Variants in MSI2 observed in about 807,000 individuals in gnomAD.
MSI2 encodes the protein musashi RNA binding protein 2.
Under a neutral mutation model 45.6 loss-of-function variants are expected in MSI2, and 17 were observed. The observed-to-expected ratio is 0.37, with a 90% CI of 0.26 to 0.56. MSI2 has a LOEUF of 0.56. Ranked by LOEUF, MSI2 falls within the 20% of genes least tolerant of loss-of-function variation. MSI2 has a pLI of 0.77. For missense variants in MSI2, 293 were observed against 444.2 expected (o/e 0.66, Z 3.06); for synonymous variants, 156 against 158.2 (o/e 0.99, Z 0.11).
At chr17:57,562,283 C>G (rs909822193) in intron 7 of MSI2, among the ~76,000 whole-genome samples, 2 of 152,182 alleles carry the variant, frequency 1.3e-5, no homozygotes, top group African/African-American at 4.8e-5. Flanking sequence ...TGGATCCTGG[C>G]CAAGAAGCTT....
In MSI2 at chr17:57,305,943, A is replaced by G. The variant is rs533293752; in HGVS notation, c.312+43751A>G. 6.6e-5 allele frequency among the ~76,000 whole-genome samples: 10 copies of G among 152,328 alleles called. No individual in the cohort carries two copies. The South Asian group carries it at 1.2e-3, about 19-fold the overall frequency. ...GAGGGTGTAATGCCCATACTTTATT[A>G]AGGTCTAACTGTATTAAGGTCTGGA... On this transcript the variant is annotated intron_variant, in intron 5 of 13. Transcript: ENST00000284073.
At chr17:57,333,476 C>T (rs1338967809) in intron 5 of MSI2, among the ~76,000 whole-genome samples, 2 of 150,316 alleles carry the variant, frequency 1.3e-5, no homozygotes, top group Non-Finnish European at 3.0e-5. Context: ...CTCACTCCAT[C>T]GCCCAGGCTG....
intron 6 of MSI2, among the ~76,000 whole-genome samples, chr17:57,437,818 A>T (rs1264513857): frequency 6.6e-6 from 1 of 152,226 alleles, no homozygotes; most frequent in Non-Finnish European, 1.5e-5. Context: ...GATAAAGTGC[A>T]TCTTTTTTCT....
intron 7 of MSI2, among the ~76,000 whole-genome samples, chr17:57,554,246 G>T (rs58069533): frequency 6.6e-6 from 1 of 151,084 alleles, no homozygotes. Flanking sequence ...GGAGGGGGGG[G>T]ATGGTTCTTA....
At chr17:57,525,022 G>A (rs535877598) in intron 6 of MSI2, among the ~76,000 whole-genome samples, 12 of 152,258 alleles carry the variant, frequency 7.9e-5, no homozygotes, top group Non-Finnish European at 1.6e-4. Context: ...GAGATCTGTG[G>A]CTTAACAGTC....
At chr17:57,498,494 G>A (rs1212496594) in intron 6 of MSI2, among the ~76,000 whole-genome samples, 1 of 152,234 alleles carries the variant, frequency 6.6e-6, no homozygotes, top group Non-Finnish European at 1.5e-5. Context: ...CATGCATTTT[G>A]TGGTTGGTGG....
chr17:57,388,978 CTTCTT>C (rs1194225905), intron 5 of MSI2, among the ~76,000 whole-genome samples: 2 of 127,598 alleles, frequency 1.6e-5, no homozygotes, highest in Non-Finnish European at 3.4e-5. Flanking sequence ...TCTTCTTCTT[CTTCTT>C]TTTTTTTTTT....
At chr17:57,553,580 C>T (rs1254170648) in intron 7 of MSI2, among the ~76,000 whole-genome samples, 1 of 152,180 alleles carries the variant, frequency 6.6e-6, no homozygotes, top group African/African-American at 2.4e-5. Flanking sequence ...TCCTGAGCAG[C>T]TTTCTGAGGT....
intron 10 of MSI2, chr17:57,629,387 C>T (rs1193839640): frequency 1.3e-5 from 2 of 150,228 alleles, no homozygotes; most frequent in Non-Finnish European, 3.0e-5. Flanking sequence ...CGAGATCACA[C>T]CACTATACTC....
chr17:57,598,217 C>G (rs558671394), intron 8 of MSI2, among the ~76,000 whole-genome samples: 1 of 152,362 alleles, frequency 6.6e-6, no homozygotes, highest in South Asian at 2.1e-4. Flanking sequence ...ATCTGTGTTT[C>G]AATTGCAGCT....
chr17:57,431,139 T>C (rs1443225790), intron 6 of MSI2, among the ~76,000 whole-genome samples: 2 of 152,198 alleles, frequency 1.3e-5, no homozygotes. Flanking sequence ...CCCTCCCGTT[T>C]TGAAGAATTT....
At chr17:57,591,346 A>G (rs758253134) in intron 7 of MSI2, among the ~76,000 whole-genome samples, 3 of 146,414 alleles carry the variant, frequency 2.0e-5, no homozygotes, top group Non-Finnish European at 4.7e-5. Context: ...TTAAAAACAT[A>G]TGTCAAATAA....
At chr17:57,476,617 G>A (rs1598312553) in intron 6 of MSI2, among the ~76,000 whole-genome samples, 1 of 152,322 alleles carries the variant, frequency 6.6e-6, no homozygotes, top group African/African-American at 2.4e-5. Flanking sequence ...AAGGATACCG[G>A]TTGATTCAGG....
chr17:57,293,595 G>GTTTTTTTTTTTTTTGTTTTTTTTTTTTT (rs71139983), intron 5 of MSI2, among the ~76,000 whole-genome samples: 87 of 134,392 alleles, frequency 6.5e-4, no homozygotes, highest in Non-Finnish European at 9.5e-4. Context: ...TTGTTTTTTT[G>GTTTTTTTTTTTTTTGTTTTTTTTTTTTT]TTTTTTTTTT....
At chr17:57,287,361 G>C (rs1342940798) in intron 5 of MSI2, among the ~76,000 whole-genome samples, 6 of 152,114 alleles carry the variant, frequency 3.9e-5, no homozygotes, top group Non-Finnish European at 8.8e-5. Context: ...TGCTGGCCTA[G>C]CACCCCTTCC....
intron 6 of MSI2, among the ~76,000 whole-genome samples, chr17:57,417,816 C>G (rs553189518): frequency 6.6e-6 from 1 of 152,278 alleles, no homozygotes; most frequent in Admixed American, 6.5e-5. Context: ...TCTGCTAAAC[C>G]CATAACTTAA....
chr17:57,436,555 G>A (rs148992726), intron 6 of MSI2, among the ~76,000 whole-genome samples: 12 of 152,312 alleles, frequency 7.9e-5, no homozygotes, highest in Non-Finnish European at 1.6e-4. Context: ...TAAGCTGAGT[G>A]TTAGAAGGCA....
chr17:57,310,360 A>C (rs1425461066), intron 5 of MSI2, among the ~76,000 whole-genome samples: 1 of 151,156 alleles, frequency 6.6e-6, no homozygotes, highest in Non-Finnish European at 1.5e-5. Flanking sequence ...CCGAGTTGGA[A>C]TCTCACTCCG....
chr17:57,440,035 C>T (rs896993150), intron 6 of MSI2, among the ~76,000 whole-genome samples: 2 of 152,144 alleles, frequency 1.3e-5, no homozygotes, highest in Admixed American at 6.5e-5. Context: ...GATCTATCTC[C>T]ACTGTTTGGT....
Sources: gnomAD v4.1 joint callset for allele counts (sites outside exome capture counted in the v4.1 genomes callset) on GRCh38, gnomAD v4.1.1 for gene constraint, MANE v1.5 for transcripts, NCBI Gene and HGNC (gene_info 2026-07-23, HGNC 2026-07-21) for gene names.